TOP3A: variants seen among roughly 807,000 people sequenced by gnomAD.
The protein encoded by TOP3A is DNA topoisomerase 3-alpha.
In TOP3A, 64 loss-of-function variants were observed where a neutral mutation model predicts 111.3. The ratio of observed to expected loss-of-function variants is 0.57; its 90% confidence interval spans 0.47 to 0.71. The LOEUF (loss-of-function observed/expected upper bound fraction) is 0.71. Among genes scored for constraint, TOP3A ranks in the 30% least tolerant of loss-of-function variants. The probability of loss-of-function intolerance (pLI) is 0.00; values close to 1 mark genes in which losing one functional copy is unlikely to be tolerated. For missense variants in TOP3A, 1,104 were observed against 1,285.0 expected (o/e 0.86, Z 2.15); for synonymous variants, 484 against 485.1 (o/e 1.00, Z 0.03).
At chr17:18,277,552 C>A in intron 18 of TOP3A, 123 bp downstream of exon 18, 1 of 1,093,204 alleles carries the variant, frequency 9.1e-7, no homozygotes, top group Non-Finnish European at 1.3e-6. Context: ...AGGTGCAAGG[C>A]AGCCCAGGTG....
At chr17:18,294,541 G>A (rs989709583) in intron 10 of TOP3A, among the ~76,000 whole-genome samples, 162 bp downstream of exon 10, 1 of 152,090 alleles carries the variant, frequency 6.6e-6, no homozygotes, top group African/African-American at 2.4e-5. Flanking sequence ...TGTTGGCCAG[G>A]ATGGTCTTGA....
chr17:18,286,347 CAAAAAAAAAA>C (rs57468944), intron 13 of TOP3A, among the ~76,000 whole-genome samples: 1 of 118,514 alleles, frequency 8.4e-6, no homozygotes, highest in African/African-American at 3.2e-5. Context: ...ACTAAAAATA[CAAAAAAAAAA>C]AAAAAAAAAT....
intron 4 of TOP3A, among the ~76,000 whole-genome samples, chr17:18,305,490 G>T (rs77487250): frequency 8.1e-6 from 1 of 124,080 alleles, no homozygotes; most frequent in East Asian, 2.1e-4. Context: ...ACACACACGC[G>T]CGCGCGCGCG....
Position 18,290,705 on chromosome 17 carries a change from G to GC in TOP3A, c.1468-20dup. On this transcript the variant is annotated intron_variant, in intron 12 of 18. Coordinates refer to ENST00000321105, the MANE Select transcript of TOP3A (RefSeq NM_004618.5). ...GGAGGATCTACAGGGAGCGGCAGGT[G>GC]CAACAGTCAGATGATTCCATCAGCA... is the stretch of plus-strand genomic sequence containing the variant. 1 of 1,583,424 alleles carries GC rather than the reference G, an allele frequency of 6.3e-7. No homozygotes were observed. The highest frequency in any genetic ancestry group is 8.6e-7 in the Non-Finnish European group (1 of 1,162,146).
chr17:18,294,618 G>C (rs768459092), intron 10 of TOP3A, 85 bp downstream of exon 10: 2 of 1,055,470 alleles, frequency 1.9e-6, no homozygotes, highest in Admixed American at 1.8e-5. Context: ...GTGAGCCACC[G>C]TGCCCAACCC....
At chr17:18,310,852 T>C (rs1981866581) in intron 1 of TOP3A, among the ~76,000 whole-genome samples, 1 of 152,182 alleles carries the variant, frequency 6.6e-6, no homozygotes, top group Admixed American at 6.5e-5. Context: ...GCTTAACTCA[T>C]CGGTGTCTCT....
intron 13 of TOP3A, among the ~76,000 whole-genome samples, chr17:18,289,792 C>T (rs990226025): frequency 1.6e-4 from 24 of 152,222 alleles, no homozygotes; most frequent in Admixed American, 6.5e-5. Context: ...TCAAGGACTT[C>T]ACGTTGAAGC....
chr17:18,292,068 A>T (rs1980510663), intron 11 of TOP3A, among the ~76,000 whole-genome samples: 1 of 152,248 alleles, frequency 6.6e-6, no homozygotes, highest in African/African-American at 2.4e-5. Flanking sequence ...GAAGAACAAA[A>T]GACTAAGATT....
At chr17:18,307,728 G>C (rs928392436) in intron 3 of TOP3A, among the ~76,000 whole-genome samples, 1 of 151,872 alleles carries the variant, frequency 6.6e-6, no homozygotes, top group Non-Finnish European at 1.5e-5. Context: ...TGGGCAACAG[G>C]GTGAAACTCC....
chr17:18,298,371 G>C (rs1980990029), intron 9 of TOP3A, among the ~76,000 whole-genome samples: 2 of 146,408 alleles, frequency 1.4e-5, no homozygotes, highest in Admixed American at 1.3e-4. Flanking sequence ...GCCCCATCCG[G>C]GAGGGAGGTG....
Position 18,274,700 on chromosome 17 carries a change from A to G in TOP3A, c.*102T>C. The G allele has an allele frequency of 1.7e-5, 26 of 1,500,996 alleles. No homozygotes were observed. Among genetic ancestry groups the G allele is most frequent in the South Asian group, 2.7e-5 (2 of 75,380 alleles). The allele number at this position is 1,500,996 out of a possible 1,614,324, so 93.0% of individuals were successfully genotyped here. A position where few individuals can be genotyped will look rare whatever the true frequency, so the allele number is the denominator to read the frequency against. ...ACTCCAAAGGCCAACACTGTCCTCT[A>G]AGTTTCCAGGACACTAAATGGCCAC... On this transcript the variant is annotated 3_prime_UTR_variant, in exon 19 of 19. Coordinates refer to ENST00000321105, the MANE Select transcript of TOP3A (RefSeq NM_004618.5).
chr17:18,302,115 G>A, intron 7 of TOP3A, 130 bp from the exon 8 acceptor site: 1 of 1,365,312 alleles, frequency 7.3e-7, no homozygotes, highest in Non-Finnish European at 1.0e-6. Flanking sequence ...GATAACAAAG[G>A]GAACTTTAAG....
At chr17:18,309,856 C>G (rs992220230) in intron 1 of TOP3A, among the ~76,000 whole-genome samples, 6 of 150,444 alleles carry the variant, frequency 4.0e-5, no homozygotes, top group Non-Finnish European at 5.9e-5. Context: ...ACTACAGGCA[C>G]CTGCCACCAC....
At chr17:18,294,606 G>T in intron 10 of TOP3A, 97 bp downstream of exon 10, 1 of 874,284 alleles carries the variant, frequency 1.1e-6, no homozygotes, top group Non-Finnish European at 1.9e-6. Flanking sequence ...GGGATTACAG[G>T]TGTGAGCCAC....
At chr17:18,310,139 T>G (rs1981824288) in intron 1 of TOP3A, among the ~76,000 whole-genome samples, 1 of 152,124 alleles carries the variant, frequency 6.6e-6, no homozygotes, top group African/African-American at 2.4e-5. Flanking sequence ...TAAAAAGGAA[T>G]GAAGAGGCCA....
intron 9 of TOP3A, among the ~76,000 whole-genome samples, chr17:18,298,676 G>A (rs2142978654): frequency 6.6e-6 from 1 of 152,060 alleles, no homozygotes; most frequent in South Asian, 2.1e-4. Context: ...GAAAGAGGTA[G>A]ACGTGGGAGA....
intron 18 of TOP3A, among the ~76,000 whole-genome samples, chr17:18,275,545 A>G (rs1979302702): frequency 6.7e-6 from 1 of 150,308 alleles, no homozygotes; most frequent in Admixed American, 6.7e-5. Context: ...TTGTATTTTT[A>G]GTAGAGACGG....
At chr17:18,290,110 C>T (rs1361530352) in intron 13 of TOP3A, among the ~76,000 whole-genome samples, 1 of 152,232 alleles carries the variant, frequency 6.6e-6, no homozygotes, top group African/African-American at 2.4e-5. Context: ...AGCTGCCACC[C>T]TCACCCAATG....
chr17:18,305,224 A>C lies in TOP3A; in HGVS notation c.391-4T>G. ...GAGTCTCTCGTTCCAAAGTTTTCTT[A>C]AGTTCGCAGTGGAATAAGAGTGGTG... On this transcript the variant is annotated splice_region_variant and splice_polypyrimidine_tract_variant and intron_variant, in intron 4 of 18. Coordinates refer to ENST00000321105, the MANE Select transcript of TOP3A (RefSeq NM_004618.5). 3 of 1,612,608 alleles carry C rather than the reference A, an allele frequency of 1.9e-6. No individual in the cohort carries two copies. Among genetic ancestry groups the C allele is most frequent in the African/African-American group, 1.3e-5 (1 of 75,006 alleles).
Sources: gnomAD v4.1 joint callset for allele counts (sites outside exome capture counted in the v4.1 genomes callset) on GRCh38, gnomAD v4.1.1 for gene constraint, MANE v1.5 for transcripts, NCBI Gene and HGNC (gene_info 2026-07-23, HGNC 2026-07-21) for gene names.